CTCF: variants seen among roughly 807,000 people sequenced by gnomAD.
CTCF encodes the protein CCCTC-binding factor, also known as transcriptional repressor CTCF.
A neutral mutation model predicts 72.3 loss-of-function variants in CTCF; 7 were observed. The observed-to-expected ratio is 0.10, with a 90% CI of 0.06 to 0.18. The LOEUF is 0.18. CTCF is among the 10% of genes least tolerant of loss of function. The pLI is 1.00. For missense variants in CTCF, 516 were observed against 949.1 expected (o/e 0.54, Z 6.00); for synonymous variants, 374 against 315.8 (o/e 1.18, Z -1.95).
intron 10 of CTCF, among the ~76,000 whole-genome samples, chr16:67,630,063 A>C: frequency 6.6e-6 from 1 of 151,908 alleles, no homozygotes; most frequent in Non-Finnish European, 1.5e-5. Flanking sequence ...GGTGTGAGCC[A>C]CTGCGCCCGG....
chr16:67,629,605 G>C, intron 10 of CTCF, 72 bp downstream of exon 10: 2 of 1,477,436 alleles, frequency 1.4e-6, no homozygotes, highest in Non-Finnish European at 1.8e-6. Context: ...GTTTATGTAT[G>C]GATATGCTGG....
At position 67,632,673 on chromosome 16, in the gene CTCF, C is replaced by T. The variant is rs562136184; in HGVS notation, c.1837+3140C>T. Among the ~76,000 whole-genome samples, 6 of 152,188 alleles carry T rather than the reference C, an allele frequency of 3.9e-5. No individual in the cohort carries two copies. The East Asian group carries it at 1.2e-3, about 29-fold the overall frequency. On this transcript the variant is annotated intron_variant, in intron 10 of 11. Coordinates refer to ENST00000264010, the MANE Select transcript of CTCF (RefSeq NM_006565.4). ...TGCTTTTCCCCCAATTCTGACTGAA[C>T]TTGTTTAGTTTTCTAGGCATTGGGC...
intron 2 of CTCF, among the ~76,000 whole-genome samples, chr16:67,581,072 G>T (rs2051574562): frequency 1.3e-5 from 2 of 151,810 alleles, no homozygotes; most frequent in Admixed American, 1.3e-4. Context: ...GGGACTACAG[G>T]CACCCGCCAC....
intron 2 of CTCF, among the ~76,000 whole-genome samples, chr16:67,602,185 ATT>A (rs757656446): frequency 5.3e-5 from 8 of 152,114 alleles, no homozygotes; most frequent in Non-Finnish European, 1.0e-4. Flanking sequence ...AATTTTTAAC[ATT>A]TTAAGTTTTC....
At chr16:67,569,114 C>T (rs1474849406) in intron 1 of CTCF, among the ~76,000 whole-genome samples, 1 of 152,142 alleles carries the variant, frequency 6.6e-6, no homozygotes, top group Non-Finnish European at 1.5e-5. Context: ...GCTGGGATTA[C>T]AGGCGTGAAC....
chr16:67,602,064 A>C (rs1446611663), intron 2 of CTCF, among the ~76,000 whole-genome samples: 1 of 152,022 alleles, frequency 6.6e-6, no homozygotes, highest in Non-Finnish European at 1.5e-5. Flanking sequence ...GGGTTTCACC[A>C]TGTAGGTCAG....
chr16:67,613,877 A>G (rs2052093951), intron 4 of CTCF, among the ~76,000 whole-genome samples: 1 of 152,312 alleles, frequency 6.6e-6, no homozygotes, highest in Admixed American at 6.5e-5. Flanking sequence ...CAGCTTTGAA[A>G]GTAAGAGGTA....
At chr16:67,615,763 A>G (rs1253197194) in intron 4 of CTCF, 2 of 152,240 alleles carry the variant, frequency 1.3e-5, no homozygotes, top group African/African-American at 4.8e-5. Context: ...GAATCGAATG[A>G]ACAAATGAAC....
intron 2 of CTCF, among the ~76,000 whole-genome samples, chr16:67,586,658 A>C (rs1428385839): frequency 6.6e-6 from 1 of 152,186 alleles, no homozygotes; most frequent in African/African-American, 2.4e-5. Context: ...TCAAAAAAAA[A>C]ACAAAGTAAC....
rs966319034 is a variant in CTCF at position 67,600,231 on chromosome 16, A to AT, written c.-9-10585dup. Among the ~76,000 whole-genome samples the AT allele has an allele frequency of 4.6e-5, 7 of 151,244 alleles. No individual in the cohort carries two copies. In the East Asian group the frequency reaches 5.9e-4, roughly 13 times the overall value. ...GTAAGGACAGATATTTAAATTTATTATTTTTTTTATTTTTTTTATTTTTGA... is the reference window on the plus strand; with the variant it reads ...GTAAGGACAGATATTTAAATTTATTATTTTTTTTTATTTTTTTTATTTTTGA... On this transcript the variant is annotated intron_variant, in intron 2 of 11. Coordinates refer to ENST00000264010, the MANE Select transcript of CTCF (RefSeq NM_006565.4).
chr16:67,590,369 A>G (rs1337699976), intron 2 of CTCF, among the ~76,000 whole-genome samples: 1 of 152,084 alleles, frequency 6.6e-6, no homozygotes, highest in Non-Finnish European at 1.5e-5. Context: ...AATATTAACA[A>G]ATGGGAGGGG....
chr16:67,589,856 A>T (rs2051715875), intron 2 of CTCF, among the ~76,000 whole-genome samples: 1 of 152,106 alleles, frequency 6.6e-6, no homozygotes, highest in African/African-American at 2.4e-5. Flanking sequence ...GGAGACCAAG[A>T]TGGCTGGATC....
chr16:67,609,948 G>A (rs544297380), intron 2 of CTCF, among the ~76,000 whole-genome samples: 3 of 152,186 alleles, frequency 2.0e-5, no homozygotes, highest in South Asian at 4.1e-4. Context: ...TCTTTGTGGT[G>A]GAGGACTGAC....
intron 7 of CTCF, among the ~76,000 whole-genome samples, chr16:67,622,320 C>T (rs1041675045): frequency 4.0e-5 from 6 of 151,250 alleles, no homozygotes; most frequent in Non-Finnish European, 8.8e-5. Context: ...CACGCCACCG[C>T]ACTCCAGCCT....
chr16:67,611,697 T>A, intron 3 of CTCF, 84 bp downstream of exon 3: 1 of 1,318,570 alleles, frequency 7.6e-7, no homozygotes, highest in Non-Finnish European at 1.0e-6. Context: ...TTGTTTTATA[T>A]TAACCGTATT....
chr16:67,582,770 A>T (rs1209360361), intron 2 of CTCF, among the ~76,000 whole-genome samples: 4 of 151,954 alleles, frequency 2.6e-5, no homozygotes, highest in Non-Finnish European at 5.9e-5. Context: ...ATAGACTTTG[A>T]GATTTTTTTT....
intron 10 of CTCF, among the ~76,000 whole-genome samples, chr16:67,629,745 CCTTTTTTTTTTTTTTT>C (rs2052338214): frequency 1.2e-5 from 1 of 85,030 alleles, no homozygotes. Context: ...TCATTAATGC[CCTTTTTTTTTTTTTTT>C]TTTTTTTTTT....
At chr16:67,589,219 C>A (rs2051706866) in intron 2 of CTCF, among the ~76,000 whole-genome samples, 1 of 152,094 alleles carries the variant, frequency 6.6e-6, no homozygotes, top group African/African-American at 2.4e-5. Flanking sequence ...GGCACTTGAT[C>A]CCAGGAGTTC....
rs193149672 is a variant in CTCF at position 67,617,580 on chromosome 16, G to A, written c.1086+702G>A. On this transcript the variant is annotated intron_variant, in intron 5 of 11. Transcript: ENST00000264010. ...GCCTGTAATCCCAGCTACTTGGGAG[G>A]CTGAGGCAGGAGAATCACTTGAACC... 3.0e-3 allele frequency among the ~76,000 whole-genome samples: 454 copies of A among 152,246 alleles called. 2 individuals are homozygous for A. The highest frequency in any genetic ancestry group is 0.01 in the African/African-American group (430 of 41,544).
Sources: allele counts gnomAD v4.1 joint callset (sites outside exome capture counted in the v4.1 genomes callset), GRCh38; gene constraint gnomAD v4.1.1; transcripts MANE v1.5; gene names NCBI Gene and HGNC (gene_info 2026-07-23, HGNC 2026-07-21).